MED12L: variants seen among roughly 807,000 people sequenced by gnomAD.
The protein encoded by MED12L is mediator complex subunit 12L.
In MED12L, 60 loss-of-function variants were observed where a neutral mutation model predicts 281.3. That is an observed-to-expected ratio of 0.21 (90% confidence interval 0.17 to 0.26). The LOEUF (loss-of-function observed/expected upper bound fraction) is 0.26, where lower values mean the gene tolerates loss of function less well. Ranked by LOEUF, MED12L falls within the 10% of genes least tolerant of loss-of-function variation. The pLI is 1.00. For missense variants in MED12L, 2,146 were observed against 2,680.9 expected (o/e 0.80, Z 4.41); for synonymous variants, 974 against 987.2 (o/e 0.99, Z 0.25).
Position 151,368,619 on chromosome 3 carries a change from T to C in MED12L, c.3550+368T>C, listed in dbSNP as rs77861639. Among the ~76,000 whole-genome samples, 183 of 80,692 alleles carry C rather than the reference T, an allele frequency of 2.3e-3. 5 individuals are homozygous for C. The East Asian group carries it at 0.035, about 15-fold the overall frequency. The allele number at this position is 80,692 out of a possible 152,430, so 52.9% of individuals were successfully genotyped here. A position where few individuals can be genotyped will look rare whatever the true frequency, so the allele number is the denominator to read the frequency against. ...TATTTTATTTTATTTTATTTTATTT[T>C]ATTTTATTTTATTTCATTTCATTTC... is the stretch of plus-strand genomic sequence containing the variant. On this transcript the variant is annotated intron_variant, in intron 25 of 44. Transcript: ENST00000687756.
chr3:151,125,162 G>A (rs1165506257), intron 4 of MED12L, among the ~76,000 whole-genome samples: 1 of 152,196 alleles, frequency 6.6e-6, no homozygotes, highest in African/African-American at 2.4e-5. Context: ...AATGCAACAA[G>A]GTGAGGAAGT....
Position 151,420,047 on chromosome 3 carries a change from G to A in MED12L, c.6408+3625G>A, listed in dbSNP as rs532509958. Among the ~76,000 whole-genome samples the A allele has an allele frequency of 5.3e-5, 8 of 152,266 alleles. No homozygotes were observed. The South Asian group carries it at 1.2e-3, about 24-fold the overall frequency. Reference sequence around the variant, plus strand: ...CCTTCAGCACGCACCTCAGCAGGTCGTGTTTTTCTTCCTGGTTGAGTGACC... The same window carrying A: ...CCTTCAGCACGCACCTCAGCAGGTCATGTTTTTCTTCCTGGTTGAGTGACC... On this transcript the variant is annotated intron_variant, in intron 43 of 44. Coordinates refer to ENST00000687756, the MANE Select transcript of MED12L (RefSeq NM_001393769.1).
chr3:151,156,191 G>T lies in MED12L; in HGVS notation c.587G>T (p.Arg196Leu). The change falls in exon 6 of 45, where the codon CGA becomes CTA. Residue 196 changes from arginine (R) to leucine (L), a missense_variant. Arg to Leu is a moderately radical substitution (Grantham distance 102, BLOSUM62 -2). This residue lies in a region of MED12L where 722 missense variants were observed against 861.2 expected (regional missense o/e 0.84). Transcript: ENST00000687756. ...ACACAGATATCTACCAGATATCTTC[G>T]AGAGCAGTTGGCCAAGATTTCTGAC... ...EWTQISTRYLREQLAKISDFY... is the reference protein window; with the variant it reads ...EWTQISTRYLLEQLAKISDFY... The T allele has an allele frequency of 6.2e-7, 1 of 1,610,694 alleles. No individual in the cohort carries two copies. The highest frequency in any genetic ancestry group is 2.2e-5 in the East Asian group (1 of 44,666).
At position 151,291,071 on chromosome 3, in the gene MED12L, G is replaced by T. The variant is rs542542303; in HGVS notation, c.2251-58988G>T. Among the ~76,000 whole-genome samples the T allele has an allele frequency of 2.0e-5, 3 of 151,110 alleles. No homozygotes were observed. In the East Asian group the frequency reaches 5.8e-4, roughly 29 times the overall value. On this transcript the variant is annotated intron_variant, in intron 16 of 44. Coordinates refer to ENST00000687756, the MANE Select transcript of MED12L (RefSeq NM_001393769.1). ...TGTGCTTAGTATTTATTGATAATTG[G>T]CTTCTTGTGGTGCTTAGTCTGGGTA...
At position 151,435,625 on chromosome 3, in the gene MED12L, TA is replaced by T. The variant is rs1247124425; in HGVS notation, c.*2823del. 1.4e-4 allele frequency: 1 copy of T among 7,170 alleles called. No homozygotes were observed. The highest frequency in any genetic ancestry group is 5.4e-4 in the Non-Finnish European group (1 of 1,840). 0.4% of individuals were successfully genotyped at this position (7,170 alleles called of 1,614,324 possible). A position where few individuals can be genotyped will look rare whatever the true frequency, so the allele number is the denominator to read the frequency against. ...CCATTTATAAAGCTCCTATAATTCTTAAGTAAGTACTAGGTGAATGTTTGAA... is the reference window on the plus strand; with the variant it reads ...CCATTTATAAAGCTCCTATAATTCTTAGTAAGTACTAGGTGAATGTTTGAA... On this transcript the variant is annotated 3_prime_UTR_variant, in exon 45 of 45. Coordinates refer to ENST00000687756, the MANE Select transcript of MED12L (RefSeq NM_001393769.1).
At chr3:151,326,944 T>C (rs6440735) in intron 16 of MED12L, 125,922 of 152,138 alleles carry the variant, frequency 0.83, 52,425 homozygotes, top group African/African-American at 0.93. Context: ...GAAAAATCTC[T>C]CAATATGGAT....
At chr3:151,149,158 G>A (rs572862785) in intron 5 of MED12L, among the ~76,000 whole-genome samples, 14 of 152,280 alleles carry the variant, frequency 9.2e-5, no homozygotes, top group African/African-American at 3.1e-4. Flanking sequence ...GTAAGGTGTA[G>A]TTTTACGGGG....
intron 11 of MED12L, among the ~76,000 whole-genome samples, chr3:151,170,628 C>T (rs1299618096): frequency 6.6e-6 from 1 of 152,134 alleles, no homozygotes; most frequent in Non-Finnish European, 1.5e-5. Context: ...CGCCCCATTT[C>T]CTTGGCCACT....
In MED12L at chr3:151,289,122, C is replaced by A. The variant is rs374241676; in HGVS notation, c.2251-60937C>A. Among the ~76,000 whole-genome samples the A allele has an allele frequency of 3.9e-5, 6 of 152,218 alleles. No individual in the cohort carries two copies. In the South Asian group the frequency reaches 1.2e-3, roughly 32 times the overall value. On this transcript the variant is annotated intron_variant, in intron 16 of 44. Coordinates refer to ENST00000687756, the MANE Select transcript of MED12L (RefSeq NM_001393769.1). ...TAGGAAGTGAAATTTGAATCACAGG[C>A]ATATGGAAATACAAAAGAAATAGCT...
intron 21 of MED12L, among the ~76,000 whole-genome samples, chr3:151,362,224 A>G (rs1035966146): frequency 6.6e-6 from 1 of 151,988 alleles, no homozygotes; most frequent in Non-Finnish European, 1.5e-5. Flanking sequence ...CACATTTTCA[A>G]CATCCACTAA....
At chr3:151,123,841 G>A (rs1714122625) in intron 4 of MED12L, among the ~76,000 whole-genome samples, 1 of 152,140 alleles carries the variant, frequency 6.6e-6, no homozygotes. Context: ...TGAAAATAGT[G>A]TCTGTAGCTT....
At chr3:151,213,643 G>A in intron 16 of MED12L, 1 of 1,614,140 alleles carries the variant, frequency 6.2e-7, no homozygotes, top group South Asian at 1.1e-5. Context: ...TTTGACCGAA[G>A]TGGAATTCCG....
At chr3:151,357,648 C>G (rs1754092354) in intron 20 of MED12L, among the ~76,000 whole-genome samples, 1 of 152,126 alleles carries the variant, frequency 6.6e-6, no homozygotes, top group Non-Finnish European at 1.5e-5. Context: ...TTATAGCACT[C>G]TACGGTTAAT....
intron 12 of MED12L, 34 bp from the exon 13 acceptor site, chr3:151,188,320 G>C (rs1723535238): frequency 6.5e-7 from 1 of 1,536,680 alleles, no homozygotes; most frequent in African/African-American, 1.4e-5. Flanking sequence ...CTATACTTCT[G>C]TAATTAACTT....
chr3:151,256,531 A>G (rs542884333), intron 16 of MED12L, among the ~76,000 whole-genome samples: 1 of 152,168 alleles, frequency 6.6e-6, no homozygotes, highest in African/African-American at 2.4e-5. Context: ...CTTGTCAACC[A>G]CAGAAATTAG....
intron 16 of MED12L, among the ~76,000 whole-genome samples, chr3:151,299,050 C>T (rs570817546): frequency 6.6e-6 from 1 of 152,132 alleles, no homozygotes; most frequent in Non-Finnish European, 1.5e-5. Flanking sequence ...ACTACAGTAT[C>T]TAGTACTTAG....
At chr3:151,330,410 A>G (rs548872262) in intron 16 of MED12L, among the ~76,000 whole-genome samples, 2 of 152,324 alleles carry the variant, frequency 1.3e-5, no homozygotes, top group Admixed American at 1.3e-4. Context: ...CATTGGGCCA[A>G]TATCTGTGCA....
At chr3:151,231,145 A>G (rs559143746) in intron 16 of MED12L, among the ~76,000 whole-genome samples, 64 of 152,366 alleles carry the variant, frequency 4.2e-4, no homozygotes, top group Admixed American at 1.1e-3. Flanking sequence ...TTAAAAGTAC[A>G]GATTACAAAA....
chr3:151,429,619 T>C (rs1300079109), intron 43 of MED12L, among the ~76,000 whole-genome samples: 2 of 152,232 alleles, frequency 1.3e-5, no homozygotes, highest in African/African-American at 2.4e-5. Context: ...ATAACCACAA[T>C]TTCTTGCATC....
Sources: gnomAD v4.1 joint callset for allele counts (sites outside exome capture counted in the v4.1 genomes callset) on GRCh38, gnomAD v4.1.1 for gene constraint, gnomAD v4.1.1 regional missense constraint, MANE v1.5 for transcripts, NCBI Gene and HGNC (gene_info 2026-07-23, HGNC 2026-07-21) for gene names.